GRID2: variants seen among roughly 807,000 people sequenced by gnomAD.
GRID2 encodes glutamate ionotropic receptor delta type subunit 2.
Under a neutral mutation model 114.8 loss-of-function variants are expected in GRID2, and 33 were observed. The observed-to-expected ratio is 0.29, with a 90% CI of 0.22 to 0.38. The LOEUF is 0.38. GRID2 is among the 10% of genes least tolerant of loss of function. GRID2 has a pLI of 1.00. For synonymous variants in GRID2, 505 were observed against 449.9 expected, an observed-to-expected ratio of 1.12 and a Z score of -1.55; for missense variants, 1,184 against 1,257.7, an observed-to-expected ratio of 0.94 and a Z score of 0.89.
At chr4:93,330,189 T>C (rs1338305240) in intron 8 of GRID2, among the ~76,000 whole-genome samples, 1 of 152,168 alleles carries the variant, frequency 6.6e-6, no homozygotes, top group African/African-American at 2.4e-5. Flanking sequence ...GCTTGAAATA[T>C]CATTTAAAAT....
intron 8 of GRID2, among the ~76,000 whole-genome samples, chr4:93,345,089 C>CT (rs1760083932): frequency 6.6e-6 from 1 of 151,340 alleles, no homozygotes; most frequent in Non-Finnish European, 1.5e-5. Context: ...CGTATCTTGG[C>CT]TATTGTAAAT....
intron 13 of GRID2, among the ~76,000 whole-genome samples, chr4:93,618,017 G>T (rs1741861858): frequency 6.6e-6 from 1 of 152,150 alleles, no homozygotes; most frequent in African/African-American, 2.4e-5. Context: ...CAAAAACCTG[G>T]ATTTGTTGCC....
At chr4:93,185,901 C>T (rs1380967461) in intron 4 of GRID2, among the ~76,000 whole-genome samples, 1 of 152,108 alleles carries the variant, frequency 6.6e-6, no homozygotes, top group African/African-American at 2.4e-5. Flanking sequence ...CCCCCTGACC[C>T]CCACCCCATG....
chr4:93,698,257 A>G (rs1033449714), intron 14 of GRID2, among the ~76,000 whole-genome samples: 14 of 152,018 alleles, frequency 9.2e-5, no homozygotes, highest in African/African-American at 3.4e-4. Flanking sequence ...CTGACAACCT[A>G]TCAATACACT....
chr4:92,978,890 G>A (rs1245831572), intron 2 of GRID2, among the ~76,000 whole-genome samples: 1 of 152,018 alleles, frequency 6.6e-6, no homozygotes, highest in Non-Finnish European at 1.5e-5. Context: ...AGACATGGTG[G>A]TGCATACCTA....
At chr4:93,149,400 G>A (rs548649202) in intron 4 of GRID2, among the ~76,000 whole-genome samples, 10 of 151,954 alleles carry the variant, frequency 6.6e-5, no homozygotes, top group Non-Finnish European at 1.3e-4. Flanking sequence ...ATGGTGAGAA[G>A]TTGTCTCTAG....
At chr4:93,025,175 G>A (rs1723771472) in intron 2 of GRID2, among the ~76,000 whole-genome samples, 1 of 151,372 alleles carries the variant, frequency 6.6e-6, no homozygotes, top group South Asian at 2.1e-4. Flanking sequence ...GGGGCTAGAA[G>A]GAGAAAATTT....
At chr4:93,502,320 CA>C (rs1728190053) in intron 12 of GRID2, among the ~76,000 whole-genome samples, 1 of 152,016 alleles carries the variant, frequency 6.6e-6, no homozygotes, top group Admixed American at 6.6e-5. Flanking sequence ...ATTTGCTCCA[CA>C]GTTTGAATGA....
intron 8 of GRID2, among the ~76,000 whole-genome samples, chr4:93,308,787 A>G (rs1230505279): frequency 6.6e-6 from 1 of 152,186 alleles, no homozygotes; most frequent in Non-Finnish European, 1.5e-5. Flanking sequence ...TCACAACTCT[A>G]AGCAACTGAA....
At chr4:92,715,336 G>A (rs1163751367) in intron 2 of GRID2, among the ~76,000 whole-genome samples, 4 of 152,034 alleles carry the variant, frequency 2.6e-5, no homozygotes, top group African/African-American at 9.7e-5. Flanking sequence ...CATTCAACAC[G>A]ACTTTAGGGA....
At chr4:93,577,687 A>C (rs538972561) in intron 13 of GRID2, among the ~76,000 whole-genome samples, 11 of 152,330 alleles carry the variant, frequency 7.2e-5, no homozygotes, top group Non-Finnish European at 1.5e-4. Flanking sequence ...TGGAGCTGAA[A>C]GTGAACATGA....
chr4:93,628,779 T>C (rs1262031192), intron 14 of GRID2, among the ~76,000 whole-genome samples: 3 of 151,770 alleles, frequency 2.0e-5, no homozygotes, highest in Non-Finnish European at 4.4e-5. Flanking sequence ...TTTTTTTTTT[T>C]TTTGAGACAT....
intron 2 of GRID2, among the ~76,000 whole-genome samples, chr4:92,681,368 A>AT (rs1419158782): frequency 1.3e-5 from 2 of 152,134 alleles, no homozygotes; most frequent in African/African-American, 4.8e-5. Context: ...CATAGAACTC[A>AT]TTGTTCAATT....
intron 1 of GRID2, among the ~76,000 whole-genome samples, chr4:93,794,537 T>C (rs1734757783): frequency 6.6e-6 from 1 of 152,032 alleles, no homozygotes; most frequent in South Asian, 2.1e-4. Context: ...ATGAGTCTGT[T>C]TGGAGTTTAT....
At chr4:92,698,921 G>C (rs1290384978) in intron 2 of GRID2, among the ~76,000 whole-genome samples, 1 of 152,010 alleles carries the variant, frequency 6.6e-6, no homozygotes, top group Non-Finnish European at 1.5e-5. Flanking sequence ...TCATAAAATT[G>C]CTCATTCAGT....
chr4:93,782,920 CACAA>C (rs1734508962), intron 1 of GRID2, among the ~76,000 whole-genome samples: 1 of 140,090 alleles, frequency 7.1e-6, no homozygotes, highest in Non-Finnish European at 1.6e-5. Context: ...CACACACACA[CACAA>C]ACTAATCTAT....
chr4:93,587,916 T>C (rs1460700438), intron 13 of GRID2, among the ~76,000 whole-genome samples: 2 of 152,100 alleles, frequency 1.3e-5, no homozygotes, highest in Non-Finnish European at 2.9e-5. Context: ...TAAAAGCGGT[T>C]ATCAGATAAT....
At chr4:92,787,043 G>T (rs1368011597) in intron 2 of GRID2, among the ~76,000 whole-genome samples, 2 of 151,828 alleles carry the variant, frequency 1.3e-5, no homozygotes, top group African/African-American at 4.8e-5. Context: ...GTGATTTCTG[G>T]TGTTTTGCTT....
rs1204688340 is a variant in GRID2 at position 92,973,418 on chromosome 4, C to A, written c.245-111577C>A. 2.0e-5 allele frequency among the ~76,000 whole-genome samples: 3 copies of A among 152,218 alleles called. No homozygotes were observed. The South Asian group carries it at 6.2e-4, about 32-fold the overall frequency. On this transcript the variant is annotated intron_variant, in intron 2 of 15. Transcript: ENST00000282020. ...ATTTATGGAATGGTATCTATATAAACATAGTATGCTCTTTGTTTTACATGC... is the reference window on the plus strand; with the variant it reads ...ATTTATGGAATGGTATCTATATAAAAATAGTATGCTCTTTGTTTTACATGC...
Sources: gnomAD v4.1 joint callset for allele counts (sites outside exome capture counted in the v4.1 genomes callset) on GRCh38, gnomAD v4.1.1 for gene constraint, MANE v1.5 for transcripts, NCBI Gene and HGNC (gene_info 2026-07-23, HGNC 2026-07-21) for gene names.